PRICKLE1: variants seen among roughly 807,000 people sequenced by gnomAD.
The protein encoded by PRICKLE1 is prickle planar cell polarity protein 1.
A neutral mutation model predicts 70.2 loss-of-function variants in PRICKLE1; 14 were observed. The observed-to-expected ratio is 0.20, with a 90% CI of 0.13 to 0.31. The LOEUF (loss-of-function observed/expected upper bound fraction) is 0.31. Among genes scored for constraint, PRICKLE1 ranks in the 10% least tolerant of loss-of-function variants. PRICKLE1 has a pLI of 1.00. For missense variants in PRICKLE1, 821 were observed against 1,026.2 expected, an observed-to-expected ratio of 0.80 and a Z score of 2.73; for synonymous variants, 357 against 379.9, an observed-to-expected ratio of 0.94 and a Z score of 0.70.
In PRICKLE1 at chr12:42,459,027, C is replaced by A. The variant is rs1937684526; in HGVS notation, c.*782G>T. ...CATCACTAGGCAATGTAAATTTGAC[C>A]ATCTACATTTATAAACCCTGACTAA... On this transcript the variant is annotated 3_prime_UTR_variant, in exon 8 of 8. Transcript: ENST00000345127. 2.8e-6 allele frequency: 1 copy of A among 357,398 alleles called. No individual in the cohort carries two copies. Among genetic ancestry groups the A allele is most frequent in the African/African-American group, 2.1e-5 (1 of 48,520 alleles). The allele number at this position is 357,398 out of a possible 1,614,324, so 22.1% of individuals were successfully genotyped here.
intron 4 of PRICKLE1, 123 bp from the exon 5 acceptor site, chr12:42,468,952 G>A (rs1938213065): frequency 2.2e-6 from 2 of 892,780 alleles, no homozygotes; most frequent in Non-Finnish European, 3.6e-6. Context: ...ACCTCTTTTA[G>A]TGATTAAATA....
chr12:42,546,580 C>A (rs1260955042), intron 1 of PRICKLE1, among the ~76,000 whole-genome samples: 9 of 152,104 alleles, frequency 5.9e-5, no homozygotes. Context: ...ATGGCGAAAC[C>A]CTGTTTTTAC....
At chr12:42,545,723 G>A (rs1173804952) in intron 1 of PRICKLE1, among the ~76,000 whole-genome samples, 2 of 152,052 alleles carry the variant, frequency 1.3e-5, no homozygotes, top group African/African-American at 4.8e-5. Context: ...GGTGGCATGT[G>A]CCTGTAATCC....
At chr12:42,494,563 T>C (rs1939160586) in intron 1 of PRICKLE1, among the ~76,000 whole-genome samples, 1 of 152,026 alleles carries the variant, frequency 6.6e-6, no homozygotes, top group South Asian at 2.1e-4. Flanking sequence ...TCTCAGCACT[T>C]TGGGAGGCTG....
chr12:42,553,481 C>T (rs903364174), intron 1 of PRICKLE1, among the ~76,000 whole-genome samples: 1 of 115,404 alleles, frequency 8.7e-6, no homozygotes, highest in Non-Finnish European at 1.6e-5. Context: ...ACAATAAGTC[C>T]ATTGTGTTGT....
intron 1 of PRICKLE1, among the ~76,000 whole-genome samples, chr12:42,511,613 G>C (rs565408550): frequency 3.3e-5 from 5 of 152,284 alleles, no homozygotes; most frequent in African/African-American, 7.2e-5. Flanking sequence ...CACAGGAGAG[G>C]GGGGTATGGA....
intron 1 of PRICKLE1, among the ~76,000 whole-genome samples, chr12:42,529,953 CT>C (rs546013157): frequency 0.076 from 10,816 of 142,828 alleles, 499 homozygotes; most frequent in Non-Finnish European, 0.1. Context: ...TCCTTCCTTC[CT>C]TTTTTTTTTT....
At chr12:42,572,760 G>A (rs1183104352) in intron 1 of PRICKLE1, among the ~76,000 whole-genome samples, 4 of 152,074 alleles carry the variant, frequency 2.6e-5, no homozygotes, top group Admixed American at 6.5e-5. Context: ...CCAGGAAGTC[G>A]AGGCCGCAAG....
At chr12:42,572,449 A>G (rs1269788245) in intron 1 of PRICKLE1, among the ~76,000 whole-genome samples, 1 of 145,824 alleles carries the variant, frequency 6.9e-6, no homozygotes, top group Non-Finnish European at 1.5e-5. Flanking sequence ...ATAAATAAAT[A>G]AATAAATAAA....
intron 1 of PRICKLE1, among the ~76,000 whole-genome samples, chr12:42,473,006 C>A (rs529432820): frequency 1.3e-5 from 2 of 152,288 alleles, no homozygotes; most frequent in South Asian, 4.1e-4. Context: ...CCACTCGGCA[C>A]CCCTGTATTT....
At chr12:42,540,750 A>G (rs1163984625) in intron 1 of PRICKLE1, among the ~76,000 whole-genome samples, 31 of 152,008 alleles carry the variant, frequency 2.0e-4, no homozygotes, top group Admixed American at 2.0e-3. Context: ...TAGTAGAGAT[A>G]GGGTTTCACT....
chr12:42,487,312 G>A (rs551381977), intron 1 of PRICKLE1, among the ~76,000 whole-genome samples: 1 of 152,250 alleles, frequency 6.6e-6, no homozygotes, highest in South Asian at 2.1e-4. Context: ...CCAGGGAAGG[G>A]CCCCAAGGCA....
intron 7 of PRICKLE1, among the ~76,000 whole-genome samples, chr12:42,461,783 T>A (rs1937845771): frequency 6.6e-6 from 1 of 152,252 alleles, no homozygotes; most frequent in Non-Finnish European, 1.5e-5. Context: ...TGTTGTCAAC[T>A]GGAGACTACA....
chr12:42,569,784 C>A (rs929076056), intron 1 of PRICKLE1, among the ~76,000 whole-genome samples: 1 of 152,208 alleles, frequency 6.6e-6, no homozygotes, highest in Non-Finnish European at 1.5e-5. Context: ...TCAATAATGG[C>A]AACATATCAC....
At chr12:42,576,492 T>G (rs1940808668) in intron 1 of PRICKLE1, among the ~76,000 whole-genome samples, 1 of 152,214 alleles carries the variant, frequency 6.6e-6, no homozygotes. Context: ...AAGGTGTCAT[T>G]AAGAAATGAA....
intron 1 of PRICKLE1, among the ~76,000 whole-genome samples, chr12:42,586,508 A>G (rs1263576691): frequency 6.6e-6 from 1 of 152,042 alleles, no homozygotes; most frequent in Non-Finnish European, 1.5e-5. Flanking sequence ...GCACCACTAC[A>G]TGTAGCTTTC....
intron 1 of PRICKLE1, among the ~76,000 whole-genome samples, chr12:42,561,356 T>C (rs1940510069): frequency 6.6e-6 from 1 of 152,210 alleles, no homozygotes; most frequent in South Asian, 2.1e-4. Flanking sequence ...TTTCTGACCT[T>C]CTTTCTTCTA....
At chr12:42,527,150 T>TGGG (rs869233303) in intron 1 of PRICKLE1, among the ~76,000 whole-genome samples, 3 of 99,108 alleles carry the variant, frequency 3.0e-5, no homozygotes, top group African/African-American at 6.7e-5. Flanking sequence ...TTTTTTTTTT[T>TGGG]GGGACGGAGT....
chr12:42,562,103 G>T (rs1049663663), intron 1 of PRICKLE1, among the ~76,000 whole-genome samples: 3 of 151,630 alleles, frequency 2.0e-5, no homozygotes, highest in Admixed American at 6.6e-5. Context: ...GTAGAGATAG[G>T]GTTTCCATGT....
Sources: gnomAD v4.1 joint callset for allele counts (sites outside exome capture counted in the v4.1 genomes callset) on GRCh38, gnomAD v4.1.1 for gene constraint, MANE v1.5 for transcripts, NCBI Gene and HGNC (gene_info 2026-07-23, HGNC 2026-07-21) for gene names.